RNF150: variants seen among roughly 807,000 people sequenced by gnomAD.
The protein encoded by RNF150 is ring finger protein 150.
In RNF150, 24 loss-of-function variants were observed where a neutral mutation model predicts 39.3. The ratio of observed to expected loss-of-function variants is 0.61; its 90% CI spans 0.44 to 0.86. RNF150 has a LOEUF of 0.86. RNF150 is among the 40% of genes least tolerant of loss of function. The pLI, the probability that RNF150 is intolerant of heterozygous loss-of-function variation, is 0.00. For missense variants in RNF150, 502 were observed against 587.8 expected, an observed-to-expected ratio of 0.85 and a Z score of 1.51; for synonymous variants, 255 against 227.3, an observed-to-expected ratio of 1.12 and a Z score of -1.10.
At chr4:140,910,003 A>C (rs1000986741) in intron 6 of RNF150, among the ~76,000 whole-genome samples, 3 of 152,172 alleles carry the variant, frequency 2.0e-5, no homozygotes, top group African/African-American at 7.2e-5. Context: ...CAGGAAATAA[A>C]CCAAAAGGTT....
chr4:140,940,188 C>G (rs1732028287), intron 4 of RNF150, among the ~76,000 whole-genome samples: 1 of 152,168 alleles, frequency 6.6e-6, no homozygotes, highest in Admixed American at 6.5e-5. Flanking sequence ...GCAAGACACT[C>G]TAACAATTCC....
At chr4:140,913,637 C>G (rs1263598972) in intron 5 of RNF150, among the ~76,000 whole-genome samples, 2 of 152,188 alleles carry the variant, frequency 1.3e-5, no homozygotes, top group African/African-American at 2.4e-5. Context: ...TCATAAGGTA[C>G]TTCTCCCATG....
At position 141,132,937 on chromosome 4, in the gene RNF150, G is replaced by A; in HGVS notation, c.-129C>T. On this transcript the variant is annotated 5_prime_UTR_variant, in exon 1 of 7. Transcript: ENST00000515673. The surrounding 1 kb of genome is among the most constrained non-coding windows in gnomAD (Gnocchi z 4.9). The stretch of plus-strand genomic sequence containing the variant: ...TGCTCACTCCCGGGCCGGAGGGGCC[G>A]CGGCCGGGACGCGCAGCCGCCGCGG... The A allele has an allele frequency of 1.4e-6, 1 of 720,258 alleles. No individual in the cohort carries two copies. Among genetic ancestry groups the A allele is most frequent in the Non-Finnish European group, 2.2e-6 (1 of 464,656 alleles). The allele number at this position is 720,258 out of a possible 1,614,324, so 44.6% of individuals were successfully genotyped here. A position where few individuals can be genotyped will look rare whatever the true frequency, so the allele number is the denominator to read the frequency against.
At chr4:141,160,233 TG>T (rs1369370090) in intron 1 of RNF150, among the ~76,000 whole-genome samples, 1 of 152,066 alleles carries the variant, frequency 6.6e-6, no homozygotes. Flanking sequence ...GGAAAGAAAA[TG>T]GAAGTTATCA....
At chr4:140,981,049 T>C (rs1733842321) in intron 1 of RNF150, among the ~76,000 whole-genome samples, 1 of 152,198 alleles carries the variant, frequency 6.6e-6, no homozygotes, top group South Asian at 2.1e-4. Context: ...AGGCTCAGAT[T>C]GGAAAATCCC....
chr4:140,926,690 C>T (rs1388047147), intron 4 of RNF150, among the ~76,000 whole-genome samples: 1 of 152,174 alleles, frequency 6.6e-6, no homozygotes, highest in East Asian at 1.9e-4. Flanking sequence ...TTCCCATGTG[C>T]CAATCATTAC....
chr4:141,203,907 T>C (rs1486180072), intron 1 of RNF150, among the ~76,000 whole-genome samples: 1 of 150,814 alleles, frequency 6.6e-6, no homozygotes, highest in African/African-American at 2.4e-5. Flanking sequence ...CCCAGAGGGG[T>C]AATGTTTCTG....
intron 5 of RNF150, 52 bp from the exon 6 acceptor site, chr4:140,911,406 T>G (rs1230745457): frequency 1.4e-6 from 2 of 1,480,186 alleles, no homozygotes; most frequent in South Asian, 2.4e-5. Flanking sequence ...CACTTAGAGA[T>G]TAAATGTCTA....
intron 1 of RNF150, among the ~76,000 whole-genome samples, chr4:141,131,518 A>G (rs1207907581): frequency 6.6e-6 from 1 of 152,218 alleles, no homozygotes; most frequent in African/African-American, 2.4e-5. Context: ...TGTCAGGCAT[A>G]TGCGGTATTG....
In RNF150 at chr4:141,116,015, G is replaced by A. The variant is rs569292869; in HGVS notation, c.484+16310C>T. Among the ~76,000 whole-genome samples, 32 of 152,186 alleles carry A rather than the reference G, an allele frequency of 2.1e-4. No homozygotes were observed. In the South Asian group the frequency reaches 3.3e-3, roughly 16 times the overall value. On this transcript the variant is annotated intron_variant, in intron 1 of 6. Transcript: ENST00000515673. ...CTCAAGATGGATTACAGACTTTAAC[G>A]TAAGACCTAAAACCATAAAAACCCT...
At chr4:141,203,742 C>A (rs932910043) in intron 1 of RNF150, among the ~76,000 whole-genome samples, 1 of 140,488 alleles carries the variant, frequency 7.1e-6, no homozygotes, top group African/African-American at 2.5e-5. Flanking sequence ...AGAGAAAAGT[C>A]CCCCTGAGAA....
chr4:140,896,684 T>TA (rs1729955426), intron 6 of RNF150, among the ~76,000 whole-genome samples: 1 of 18,480 alleles, frequency 5.4e-5, no homozygotes, highest in Non-Finnish European at 1.6e-4. Context: ...ACTTAGAGTA[T>TA]AATAAAAAAA....
chr4:141,179,610 T>C (rs1235023411), intron 1 of RNF150, among the ~76,000 whole-genome samples: 1 of 152,166 alleles, frequency 6.6e-6, no homozygotes, highest in African/African-American at 2.4e-5. Context: ...TTGGGGAGAT[T>C]TGTTTCCTGA....
At chr4:141,205,273 T>A (rs1236699904) in intron 1 of RNF150, among the ~76,000 whole-genome samples, 1 of 152,188 alleles carries the variant, frequency 6.6e-6, no homozygotes, top group Non-Finnish European at 1.5e-5. Context: ...ACAATGTTTA[T>A]AAGATGTTTT....
intron 1 of RNF150, among the ~76,000 whole-genome samples, chr4:141,069,638 C>G (rs370333718): frequency 6.6e-6 from 1 of 150,828 alleles, no homozygotes; most frequent in African/African-American, 2.4e-5. Flanking sequence ...AGGAATGGTA[C>G]CAGTTCCTCC....
chr4:140,938,539 C>A (rs1266995767), intron 4 of RNF150, among the ~76,000 whole-genome samples: 1 of 152,126 alleles, frequency 6.6e-6, no homozygotes, highest in African/African-American at 2.4e-5. Context: ...GATAAGGAAG[C>A]TCTGTGGGAC....
intron 1 of RNF150, among the ~76,000 whole-genome samples, chr4:141,119,227 A>T (rs1185394715): frequency 6.6e-6 from 1 of 152,240 alleles, no homozygotes; most frequent in African/African-American, 2.4e-5. Flanking sequence ...TTTACTGGTC[A>T]TTTGCCGTTT....
At chr4:141,175,487 C>T (rs1424429819) in intron 1 of RNF150, among the ~76,000 whole-genome samples, 1 of 152,234 alleles carries the variant, frequency 6.6e-6, no homozygotes, top group South Asian at 2.1e-4. Context: ...GAGAGGGCTA[C>T]CAGTGGTCGT....
chr4:141,174,120 T>C (rs1727771484), intron 1 of RNF150, among the ~76,000 whole-genome samples: 1 of 152,216 alleles, frequency 6.6e-6, no homozygotes. Context: ...GGGCATATGC[T>C]ACCCAAAATA....
Sources: allele counts gnomAD v4.1 joint callset (sites outside exome capture counted in the v4.1 genomes callset), GRCh38; gene constraint gnomAD v4.1.1; non-coding constraint Gnocchi (gnomAD v3.1); transcripts MANE v1.5; gene names NCBI Gene and HGNC (gene_info 2026-07-23, HGNC 2026-07-21).